PDE4C: variants seen among roughly 807,000 people sequenced by gnomAD.
PDE4C encodes 3',5'-cyclic-AMP phosphodiesterase 4C.
A neutral mutation model predicts 63.9 loss-of-function variants in PDE4C; 50 were observed. That is an observed-to-expected ratio of 0.78 (90% CI 0.62 to 0.99). The LOEUF (loss-of-function observed/expected upper bound fraction) is 0.99. PDE4C is among the 50% of genes least tolerant of loss of function. PDE4C has a pLI of 0.00. For missense variants in PDE4C, 777 were observed against 899.1 expected, an observed-to-expected ratio of 0.86 and a Z score of 1.74; for synonymous variants, 377 against 385.1, an observed-to-expected ratio of 0.98 and a Z score of 0.25.
At chr19:18,221,052 G>GCCAGGCCCCGCCCCCCCCCCC in intron 4 of PDE4C, 53 bp downstream of exon 4, 3 of 1,245,306 alleles carry the variant, frequency 2.4e-6, no homozygotes, top group Non-Finnish European at 3.4e-6. Flanking sequence ...CCCGCTTTCC[G>GCCAGGCCCCGCCCCCCCCCCC]CCCACCTTGT....
At chr19:18,213,422 C>T in exon 13 of PDE4C, 2 of 1,613,962 alleles carry the variant, frequency 1.2e-6, no homozygotes, top group Non-Finnish European at 1.7e-6. Context: ...TTGTCACCTT[C>T]TTGGTCTCCA....
At chr19:18,228,601 T>G (rs757921626), upstream of PDE4C, among the ~76,000 whole-genome samples, 19 of 152,212 alleles carry the variant, frequency 1.2e-4, no homozygotes, top group Non-Finnish European at 1.5e-4. Flanking sequence ...CACATTAATA[T>G]TTTATCAATA....
At chr19:18,211,548 T>C (rs1003983429) in intron 14 of PDE4C, among the ~76,000 whole-genome samples, 4 of 152,122 alleles carry the variant, frequency 2.6e-5, no homozygotes, top group Middle Eastern at 3.2e-3. Flanking sequence ...GCATGTCACC[T>C]AGAACAGATG....
intron 12 of PDE4C, among the ~76,000 whole-genome samples, chr19:18,215,099 C>A (rs556604325): frequency 6.6e-6 from 1 of 152,290 alleles, no homozygotes; most frequent in East Asian, 1.9e-4. Context: ...GCTGTCTCCC[C>A]ACCCTGTGGG....
At chr19:18,224,507 C>T in intron 1 of PDE4C, 2 of 985,492 alleles carry the variant, frequency 2.0e-6, no homozygotes, top group African/African-American at 1.7e-5. Context: ...GACTTGGTCA[C>T]GAAGAGTTTG....
At chr19:18,215,101 C>T (rs1968134191) in intron 12 of PDE4C, among the ~76,000 whole-genome samples, 1 of 152,156 alleles carries the variant, frequency 6.6e-6, no homozygotes, top group Non-Finnish European at 1.5e-5. Flanking sequence ...TGTCTCCCCA[C>T]CCTGTGGGTA....
intron 1 of PDE4C, among the ~76,000 whole-genome samples, chr19:18,225,088 G>C (rs1049276221): frequency 3.3e-5 from 5 of 152,208 alleles, no homozygotes; most frequent in African/African-American, 1.2e-4. Context: ...GGGGGAGGCT[G>C]TTTTTCTTTC....
chr19:18,239,826 G>A lies in PDE4C; in HGVS notation c.-209-6426C>T, dbSNP rs999672917. ...GGATCGCTTAGGGTCAGGAGTTTGA[G>A]ACCAGCCTGACCAACATGGCAAAAC... On this transcript the variant is annotated intron_variant, in intron 1 of 15. Coordinates refer to the PDE4C transcript ENST00000594617. Among the ~76,000 whole-genome samples the A allele has an allele frequency of 4.6e-5, 7 of 152,050 alleles. No homozygotes were observed. The East Asian group carries it at 7.8e-4, about 17-fold the overall frequency.
rs1461576616 is a variant in PDE4C at position 18,219,128 on chromosome 19, G to A, written c.871-90C>T. On this transcript the variant is annotated intron_variant, in intron 8 of 14. Coordinates refer to ENST00000262805, the Ensembl canonical transcript of PDE4C. ...ATCCTCCCACCCCAGGTTCCACAGTGAGCCCCAACTGCCCAGTATATAGGT... is the reference window on the plus strand; with the variant it reads ...ATCCTCCCACCCCAGGTTCCACAGTAAGCCCCAACTGCCCAGTATATAGGT... The A allele has an allele frequency of 3.8e-6, 6 of 1,580,682 alleles. No homozygotes were observed. In the African/African-American group the frequency reaches 8.1e-5, roughly 21 times the overall value.
At chr19:18,245,316 AC>A (rs1436894795) in intron 1 of PDE4C, among the ~76,000 whole-genome samples, 13 of 152,024 alleles carry the variant, frequency 8.6e-5, no homozygotes, top group African/African-American at 2.9e-4. Flanking sequence ...GGTGCCTGTC[AC>A]AACACCCAGC....
rs949166996 is a variant in PDE4C at position 18,226,166 on chromosome 19, C to T, written c.146+104G>A. The T allele has an allele frequency of 8.7e-6, 8 of 921,880 alleles. No homozygotes were observed. In the African/African-American group the frequency reaches 1.0e-4, roughly 12 times the overall value. The allele number at this position is 921,880 out of a possible 1,614,324, so 57.1% of individuals were successfully genotyped here. On this transcript the variant is annotated intron_variant, in intron 1 of 14. Coordinates refer to ENST00000262805, the Ensembl canonical transcript of PDE4C. Reference sequence around the variant, plus strand: ...GAGGCAGAGCGTCCAAGCCCGGACTCCGGCCCCGGCCCCAGCTGTCCCTGG... The same window carrying T: ...GAGGCAGAGCGTCCAAGCCCGGACTTCGGCCCCGGCCCCAGCTGTCCCTGG...
At chr19:18,214,250 CAA>C (rs78275392) in intron 12 of PDE4C, among the ~76,000 whole-genome samples, 1,157 of 113,492 alleles carry the variant, frequency 0.01, 34 homozygotes, top group Admixed American at 0.073. Flanking sequence ...GACTCCGTCT[CAA>C]AAAAAAAAAA....
upstream of PDE4C, among the ~76,000 whole-genome samples, chr19:18,229,564 C>T (rs989126115): frequency 1.6e-5 from 2 of 124,218 alleles, no homozygotes; most frequent in Non-Finnish European, 3.6e-5. Context: ...ACAGCACTGC[C>T]TCAGTTTCCC....
chr19:18,220,071 C>A lies in PDE4C; in HGVS notation c.706+155G>T. ...ATGTCCCCTGCTCCTGGAAGTTCCC[C>A]TTGTTCCTCCCTCTGATCCAGCCCT... On this transcript the variant is annotated intron_variant, in intron 7 of 14. Transcript: ENST00000262805. The surrounding 1 kb of genome is among the most constrained non-coding windows in gnomAD (Gnocchi z 5.1). The A allele has an allele frequency of 1.5e-6, 1 of 679,600 alleles. No homozygotes were observed. The highest frequency in any genetic ancestry group is 2.5e-5 in the East Asian group (1 of 39,556). 42.1% of individuals were successfully genotyped at this position (679,600 alleles called of 1,614,324 possible). A position where few individuals can be genotyped will look rare whatever the true frequency, so the allele number is the denominator to read the frequency against.
chr19:18,221,506 GA>G (rs1033709246), intron 2 of PDE4C, among the ~76,000 whole-genome samples: 136 of 152,222 alleles, frequency 8.9e-4, no homozygotes, highest in African/African-American at 3.0e-3. Flanking sequence ...CATAAATGGG[GA>G]AACTGAGTCC....
chr19:18,211,603 G>A, intron 14 of PDE4C, 156 bp downstream of exon 14: 1 of 781,090 alleles, frequency 1.3e-6, no homozygotes, highest in South Asian at 1.7e-5. Flanking sequence ...GAAGCCCAGA[G>A]AGAATGGATC....
At chr19:18,217,703 C>A (rs1230530263) in intron 11 of PDE4C, among the ~76,000 whole-genome samples, 1 of 151,996 alleles carries the variant, frequency 6.6e-6, no homozygotes, top group Non-Finnish European at 1.5e-5. Flanking sequence ...TTGAGACCAG[C>A]CTGGGTAACA....
chr19:18,232,278 G>A (rs1458236952), intron 1 of PDE4C, among the ~76,000 whole-genome samples: 2 of 151,974 alleles, frequency 1.3e-5, no homozygotes, highest in African/African-American at 2.4e-5. Context: ...TGGGAGGATC[G>A]CTTGAGCCTG....
intron 13 of PDE4C, among the ~76,000 whole-genome samples, chr19:18,212,977 C>A (rs1354891187): frequency 6.8e-6 from 1 of 147,294 alleles, no homozygotes; most frequent in Non-Finnish European, 1.5e-5. Flanking sequence ...TGAGCCACTG[C>A]GCCCGGCTGC....
Sources: gnomAD v4.1 joint callset for allele counts (sites outside exome capture counted in the v4.1 genomes callset) on GRCh38, gnomAD v4.1.1 for gene constraint, Gnocchi (gnomAD v3.1) non-coding constraint, MANE v1.5 for transcripts, NCBI Gene and HGNC (gene_info 2026-07-23, HGNC 2026-07-21) for gene names.